The following NCALD variants were observed in gnomAD, a reference collection of about 807,000 sequenced individuals.
NCALD encodes the protein neurocalcin delta, also known as neurocalcin-delta.
In NCALD, 10 loss-of-function variants were observed where a neutral mutation model predicts 18.6. The observed-to-expected ratio is 0.54, with a 90% confidence interval of 0.33 to 0.91. The LOEUF is 0.91. NCALD is among the 40% of genes least tolerant of loss of function. NCALD has a pLI of 0.03. For missense variants in NCALD, 184 were observed against 247.6 expected (o/e 0.74, Z 1.72); for synonymous variants, 88 against 87.4 (o/e 1.01, Z -0.04).
At chr8:101,954,638 G>A (rs1216697584) in intron 2 of NCALD, among the ~76,000 whole-genome samples, 1 of 152,206 alleles carries the variant, frequency 6.6e-6, no homozygotes, top group Non-Finnish European at 1.5e-5. Context: ...AAAGGGAGGA[G>A]AAGAGAGGAT....
chr8:101,745,228 A>G (rs1013074173), intron 1 of NCALD, among the ~76,000 whole-genome samples: 1 of 152,180 alleles, frequency 6.6e-6, no homozygotes. Flanking sequence ...GAGCCACTTT[A>G]CCATTTTAGC....
intron 3 of NCALD, among the ~76,000 whole-genome samples, chr8:101,911,982 T>G (rs1817817244): frequency 6.6e-6 from 1 of 152,166 alleles, no homozygotes; most frequent in Admixed American, 6.5e-5. Flanking sequence ...TCTAGACAGT[T>G]TAGTGTTATA....
At chr8:102,044,616 A>G (rs534948127) in intron 1 of NCALD, among the ~76,000 whole-genome samples, 1 of 152,362 alleles carries the variant, frequency 6.6e-6, no homozygotes, top group South Asian at 2.1e-4. Flanking sequence ...TAGATAATAC[A>G]TTCCCCAAAA....
At chr8:101,740,781 C>T (rs1281278704) in intron 1 of NCALD, among the ~76,000 whole-genome samples, 1 of 152,190 alleles carries the variant, frequency 6.6e-6, no homozygotes, top group African/African-American at 2.4e-5. Context: ...GGCAAACCAC[C>T]TTCTATCTAA....
intron 2 of NCALD, among the ~76,000 whole-genome samples, chr8:102,012,636 T>C (rs747237737): frequency 6.6e-6 from 1 of 152,226 alleles, no homozygotes; most frequent in Non-Finnish European, 1.5e-5. Flanking sequence ...TGAGAAGCAA[T>C]GCAGAGGGAT....
intron 2 of NCALD, among the ~76,000 whole-genome samples, chr8:102,011,205 TC>T (rs1250643167): frequency 6.6e-6 from 1 of 152,072 alleles, no homozygotes; most frequent in African/African-American, 2.4e-5. Flanking sequence ...CAACCCCTAC[TC>T]CCCCAACACA....
intron 2 of NCALD, among the ~76,000 whole-genome samples, chr8:102,005,957 C>T (rs1821692182): frequency 6.6e-6 from 1 of 150,978 alleles, no homozygotes; most frequent in Non-Finnish European, 1.5e-5. Flanking sequence ...TGCAGCACAC[C>T]AACATGGCAC....
chr8:101,759,677 C>T (rs987481134), intron 1 of NCALD, among the ~76,000 whole-genome samples: 2 of 152,130 alleles, frequency 1.3e-5, no homozygotes, highest in African/African-American at 4.8e-5. Context: ...GACATACATC[C>T]CTCAAAGAAG....
chr8:101,934,086 T>A (rs553527833), intron 2 of NCALD, among the ~76,000 whole-genome samples: 5 of 152,324 alleles, frequency 3.3e-5, no homozygotes, highest in African/African-American at 1.2e-4. Context: ...GGATTACATA[T>A]CATTCAGAGG....
chr8:101,911,938 G>T (rs1452018974), intron 3 of NCALD, among the ~76,000 whole-genome samples: 10 of 151,996 alleles, frequency 6.6e-5, no homozygotes, highest in Admixed American at 6.6e-4. Context: ...CAGAAACTTT[G>T]CAAATACACT....
intron 2 of NCALD, among the ~76,000 whole-genome samples, chr8:101,931,968 T>A (rs187850149): frequency 1.3e-5 from 2 of 152,246 alleles, no homozygotes; most frequent in Admixed American, 1.3e-4. Flanking sequence ...TTGTCATCTT[T>A]CCCTTCAGAA....
chr8:102,002,433 C>T (rs1248242620), intron 2 of NCALD, among the ~76,000 whole-genome samples: 8 of 152,160 alleles, frequency 5.3e-5, no homozygotes, highest in African/African-American at 1.9e-4. Context: ...TAATGGGAGA[C>T]TTTAACACCC....
intron 1 of NCALD, among the ~76,000 whole-genome samples, chr8:102,090,609 G>T (rs527838251): frequency 6.6e-6 from 1 of 152,034 alleles, no homozygotes; most frequent in Non-Finnish European, 1.5e-5. Context: ...TGCTTAAAAC[G>T]TTGCTGAATC....
At chr8:102,090,396 C>T (rs939810240) in intron 1 of NCALD, among the ~76,000 whole-genome samples, 2 of 152,106 alleles carry the variant, frequency 1.3e-5, no homozygotes, top group Admixed American at 1.3e-4. Context: ...TTATAATCAG[C>T]TACAGGACTT....
At chr8:101,807,595 A>G (rs923251643) in intron 4 of NCALD, among the ~76,000 whole-genome samples, 14 of 152,136 alleles carry the variant, frequency 9.2e-5, no homozygotes, top group Non-Finnish European at 2.9e-5. Flanking sequence ...CAATAGACAT[A>G]GCAAAGTAGA....
chr8:101,820,576 C>G (rs55886422), intron 4 of NCALD, among the ~76,000 whole-genome samples: 1 of 151,954 alleles, frequency 6.6e-6, no homozygotes, highest in South Asian at 2.1e-4. Context: ...AAATTAATAC[C>G]GCTTTAGAAT....
At chr8:102,042,622 G>C (rs554668006) in intron 1 of NCALD, among the ~76,000 whole-genome samples, 4 of 151,778 alleles carry the variant, frequency 2.6e-5, no homozygotes, top group Non-Finnish European at 5.9e-5. Flanking sequence ...ATGTCTTGTC[G>C]GGTCTCCTGG....
intron 2 of NCALD, among the ~76,000 whole-genome samples, chr8:101,713,720 G>A (rs989473941): frequency 6.6e-6 from 1 of 152,040 alleles, no homozygotes; most frequent in Non-Finnish European, 1.5e-5. Flanking sequence ...ACCCTCCAAA[G>A]ACTAAACCAG....
chr8:101,690,258 CAGA>C, intron 3 of NCALD: 1 of 985,388 alleles, frequency 1.0e-6, no homozygotes, highest in Middle Eastern at 5.2e-4. Context: ...CTGGTGCTTC[CAGA>C]AGGACCCTTC....
Sources: gnomAD v4.1 joint callset for allele counts (sites outside exome capture counted in the v4.1 genomes callset) on GRCh38, gnomAD v4.1.1 for gene constraint, MANE v1.5 for transcripts, NCBI Gene and HGNC (gene_info 2026-07-23, HGNC 2026-07-21) for gene names.